The following RNF130 variants were observed in gnomAD, a reference collection of about 807,000 sequenced individuals.
RNF130 encodes the protein E3 ubiquitin-protein ligase RNF130.
A neutral mutation model predicts 44.6 loss-of-function variants in RNF130; 21 were observed. The observed-to-expected ratio is 0.47, with a 90% CI of 0.33 to 0.68. RNF130 has a LOEUF of 0.68. Among genes scored for constraint, RNF130 ranks in the 30% least tolerant of loss-of-function variants. The pLI, the probability that RNF130 is intolerant of heterozygous loss-of-function variation, is 0.02. For missense variants in RNF130, 479 were observed against 560.6 expected (o/e 0.85, Z 1.47); for synonymous variants, 214 against 210.4 (o/e 1.02, Z -0.15).
chr5:180,028,159 T>C (rs1213798372), intron 2 of RNF130, among the ~76,000 whole-genome samples: 1 of 152,212 alleles, frequency 6.6e-6, no homozygotes, highest in Non-Finnish European at 1.5e-5. Flanking sequence ...AATACTCTTC[T>C]CAACTCCTCA....
intron 1 of RNF130, among the ~76,000 whole-genome samples, chr5:180,045,553 G>T (rs142751135): frequency 0.011 from 1,658 of 152,226 alleles, 12 homozygotes; most frequent in Non-Finnish European, 0.018. Context: ...CTGCTGGCTC[G>T]GGCAGCCTGC....
Position 180,071,635 on chromosome 5 carries a change from C to A in RNF130, c.68G>T (p.Trp23Leu). ...GCTCGCGTTGTCTGCCCGTGCCGGC[C>A]ACAGGCTGCAGGTCAGCAGGGCGAG... ...AALALLTCSL[W>L]PARADNASQE... Residue 23 changes from tryptophan to leucine, a missense_variant, in exon 1 of 9, where the codon TGG becomes TTG. Trp to Leu is a moderately conservative substitution (Grantham distance 61). This residue lies in a region of RNF130 where 138 missense variants were observed against 126.9 expected (regional missense o/e 1.09). Coordinates refer to ENST00000521389, the MANE Select transcript of RNF130 (RefSeq NM_018434.6). 1 of 1,497,514 alleles carries A rather than the reference C, an allele frequency of 6.7e-7. No homozygotes were observed. The highest frequency in any genetic ancestry group is 8.9e-7 in the Non-Finnish European group (1 of 1,122,938). The allele number at this position is 1,497,514 out of a possible 1,614,324, so 92.8% of individuals were successfully genotyped here. A position where few individuals can be genotyped will look rare whatever the true frequency, so the allele number is the denominator to read the frequency against.
chr5:180,046,351 C>A (rs145064120), intron 1 of RNF130, among the ~76,000 whole-genome samples: 1 of 152,164 alleles, frequency 6.6e-6, no homozygotes, highest in Non-Finnish European at 1.5e-5. Flanking sequence ...GGCGAGGAGG[C>A]ACCGAGAGCG....
At chr5:180,037,162 T>C (rs1764267754) in intron 2 of RNF130, among the ~76,000 whole-genome samples, 1 of 152,226 alleles carries the variant, frequency 6.6e-6, no homozygotes, top group Non-Finnish European at 1.5e-5. Context: ...CAGTCTCCTA[T>C]GACAGATGCA....
intron 7 of RNF130, among the ~76,000 whole-genome samples, chr5:179,948,680 A>G (rs182841944): frequency 7.0e-4 from 106 of 152,204 alleles, no homozygotes; most frequent in African/African-American, 2.3e-3. Context: ...GTCTCAAAAA[A>G]AGAGAGAGAG....
chr5:179,996,019 T>C (rs1396035124), intron 3 of RNF130, among the ~76,000 whole-genome samples: 1 of 152,212 alleles, frequency 6.6e-6, no homozygotes, highest in East Asian at 1.9e-4. Flanking sequence ...GGCATTTTGA[T>C]AGGGATTACA....
intron 1 of RNF130, among the ~76,000 whole-genome samples, chr5:180,052,490 C>T (rs984476629): frequency 3.9e-5 from 6 of 152,206 alleles, no homozygotes; most frequent in Admixed American, 2.6e-4. Flanking sequence ...CCTGAAGGCA[C>T]TACTAACTCT....
chr5:179,965,406 G>C (rs1475057837), intron 7 of RNF130, among the ~76,000 whole-genome samples: 1 of 152,178 alleles, frequency 6.6e-6, no homozygotes. Context: ...AACATCATGT[G>C]CAAATTCTGC....
In RNF130 at chr5:179,980,158, T is replaced by C. The variant is rs72813783; in HGVS notation, c.736A>G (p.Thr246Ala). 14,708 of 1,614,112 alleles carry C rather than the reference T, an allele frequency of 9.1e-3. 105 individuals carry two copies. The highest frequency in any genetic ancestry group is 9.4e-3 in the Non-Finnish European group (11,142 of 1,179,966). ...TCACCCTTCTTTACTGTCCTGGTTG[T>C]CAATTTACTGATGGCTTTCTTGGCT... ...DAAKKAISKL[T>A]TRTVKKGDKE... Residue 246 changes from threonine (T) to alanine (A), a missense_variant, in exon 4 of 9, where the codon ACA becomes GCA. By Grantham distance (58) the Thr-to-Ala change is moderately conservative (BLOSUM62 0). Around this residue, in one of 3 missense-constraint regions of RNF130, gnomAD observed 180 missense variants for 275.1 expected, o/e 0.65. Transcript: ENST00000521389.
chr5:179,925,356 C>A (rs116733237), intron 7 of RNF130, among the ~76,000 whole-genome samples: 2 of 152,206 alleles, frequency 1.3e-5, no homozygotes, highest in African/African-American at 4.8e-5. Context: ...TGGGATACTT[C>A]GGGGATAGCT....
At chr5:180,045,553 G>C (rs142751135) in intron 1 of RNF130, among the ~76,000 whole-genome samples, 3 of 152,228 alleles carry the variant, frequency 2.0e-5, no homozygotes, top group East Asian at 3.9e-4. Flanking sequence ...CTGCTGGCTC[G>C]GGCAGCCTGC....
chr5:180,055,721 C>A (rs1305411858), intron 1 of RNF130, among the ~76,000 whole-genome samples: 1 of 152,044 alleles, frequency 6.6e-6, no homozygotes, highest in Non-Finnish European at 1.5e-5. Flanking sequence ...TTTTTAAAAA[C>A]CCCAGCAAAA....
intron 3 of RNF130, among the ~76,000 whole-genome samples, chr5:180,002,660 A>C (rs1169359180): frequency 2.6e-5 from 4 of 152,084 alleles, no homozygotes; most frequent in Non-Finnish European, 5.9e-5. Flanking sequence ...CCTCCTCACC[A>C]CAGTGAGCTC....
chr5:179,942,431 T>C (rs538037792), intron 7 of RNF130, among the ~76,000 whole-genome samples: 18 of 152,284 alleles, frequency 1.2e-4, no homozygotes, highest in Non-Finnish European at 1.8e-4. Flanking sequence ...ATATGGTCCG[T>C]ATGCTCTTTT....
chr5:179,969,080 T>C (rs1762524270), intron 6 of RNF130, among the ~76,000 whole-genome samples: 1 of 152,270 alleles, frequency 6.6e-6, no homozygotes, highest in Admixed American at 6.5e-5. Context: ...AATGAGTTCA[T>C]CTGTTGGATC....
intron 2 of RNF130, among the ~76,000 whole-genome samples, chr5:180,018,251 T>C (rs1435183375): frequency 2.7e-5 from 4 of 148,548 alleles, no homozygotes; most frequent in Admixed American, 2.0e-4. Flanking sequence ...GCCGAGACTG[T>C]GCCACTGCAC....
intron 1 of RNF130, among the ~76,000 whole-genome samples, chr5:180,054,001 G>A (rs1764746649): frequency 1.3e-5 from 2 of 151,924 alleles, no homozygotes; most frequent in South Asian, 2.1e-4. Context: ...ATTTTTAGCA[G>A]AGATGGGGTT....
At chr5:180,035,244 AAATGT>A (rs2113130319) in intron 2 of RNF130, among the ~76,000 whole-genome samples, 1 of 152,300 alleles carries the variant, frequency 6.6e-6, no homozygotes, top group Admixed American at 6.5e-5. Context: ...GTTTGGTTCC[AAATGT>A]TTTTAAAATT....
intron 2 of RNF130, among the ~76,000 whole-genome samples, chr5:180,034,277 G>C (rs902600350): frequency 6.6e-6 from 1 of 150,732 alleles, no homozygotes; most frequent in Non-Finnish European, 1.5e-5. Flanking sequence ...GATTCTATTT[G>C]CTAATAATTT....
Sources: allele counts gnomAD v4.1 joint callset (sites outside exome capture counted in the v4.1 genomes callset), GRCh38; gene constraint gnomAD v4.1.1; regional missense constraint gnomAD v4.1.1; transcripts MANE v1.5; gene names NCBI Gene and HGNC (gene_info 2026-07-23, HGNC 2026-07-21).